The following ACAP3 variants were observed in gnomAD, a reference collection of about 807,000 sequenced individuals.
ACAP3 encodes the protein ArfGAP with coiled-coil, ankyrin repeat and PH domains 3.
A neutral mutation model predicts 104.1 loss-of-function variants in ACAP3; 56 were observed. The observed-to-expected ratio is 0.54, with a 90% CI of 0.43 to 0.67. ACAP3 has a LOEUF of 0.67. Among genes scored for constraint, ACAP3 ranks in the 30% least tolerant of loss-of-function variants. The probability of loss-of-function intolerance (pLI) is 0.00; values close to 1 mark genes in which losing one functional copy is unlikely to be tolerated. For missense variants in ACAP3, 1,208 were observed against 1,174.9 expected, an observed-to-expected ratio of 1.03 and a Z score of -0.41; for synonymous variants, 628 against 496.2, an observed-to-expected ratio of 1.27 and a Z score of -3.53.
At position 1,307,602 on chromosome 1, in the gene ACAP3, C is replaced by T. The variant is rs1395744578; in HGVS notation, c.47+167G>A. The stretch of plus-strand genomic sequence containing the variant: ...CAGGAGCGTCTTTTGTTCCAACCCC[C>T]GGGGCATGGCGGGGCGGGGCCGCCG... On this transcript the variant is annotated intron_variant, in intron 1 of 23. Transcript: ENST00000354700. 3.3e-5 allele frequency among the ~76,000 whole-genome samples: 5 copies of T among 152,198 alleles called. No homozygotes were observed. In the East Asian group the frequency reaches 9.7e-4, roughly 29 times the overall value.
rs1294402917 is a variant in ACAP3, at chr1:1,302,800, C to CG, written c.279+121_279+122insC. ...CTGACTTGAAAATGTGGGATTCCCC[C>CG]CCCCCCCGACTAGAGGAGCAGAAAC... On this transcript the variant is annotated intron_variant, in intron 4 of 23. Transcript: ENST00000354700. The CG allele has an allele frequency of 1.6e-5, 5 of 304,632 alleles. 1 individual carries two copies. The highest frequency in any genetic ancestry group is 2.7e-5 in the African/African-American group (1 of 37,684). 18.9% of individuals were successfully genotyped at this position (304,632 alleles called of 1,614,324 possible).
chr1:1,298,277 C>T, intron 12 of ACAP3, 93 bp downstream of exon 12: 1 of 1,589,762 alleles, frequency 6.3e-7, no homozygotes, highest in East Asian at 2.2e-5. Context: ...CACTAGTGCC[C>T]CGGCCCTGTG....
intron 1 of ACAP3, 53 bp downstream of exon 1, chr1:1,307,716 G>A (rs1209049181): frequency 4.6e-6 from 5 of 1,080,738 alleles, no homozygotes; most frequent in African/African-American, 1.7e-5. Flanking sequence ...GGGCACAAAG[G>A]CGACAGCGAC....
At position 1,300,167 on chromosome 1, in the gene ACAP3, G is replaced by A. The variant is rs1466933629; in HGVS notation, c.558C>T (p.Ile186=). The A allele has an allele frequency of 2.5e-6, 4 of 1,610,556 alleles. No homozygotes were observed. The highest frequency in any genetic ancestry group is 2.5e-6 in the Non-Finnish European group (3 of 1,178,806). The change falls in exon 7 of 24, where the codon ATC becomes ATT. Residue 186 remains isoleucine (I), a synonymous_variant. Transcript: ENST00000354700. ...GCCCCCACGCACTCACAGAGTCCAG[G>A]ATCTCAAACTTCTTCTTGGCCTGCA... The part of the protein sequence containing the change: ...NVLQAKKKFE[I]LDSMLSFMHA...
At chr1:1,298,984 C>T (rs1021437447) in intron 10 of ACAP3, 6 of 555,812 alleles carry the variant, frequency 1.1e-5, no homozygotes, top group African/African-American at 5.8e-5. Flanking sequence ...CGCCCCCACC[C>T]TCCGCATCCT....
chr1:1,299,218 C>T (rs1641336966), intron 10 of ACAP3, 127 bp downstream of exon 10: 2 of 1,258,594 alleles, frequency 1.6e-6, no homozygotes, highest in Non-Finnish European at 2.2e-6. Context: ...GCCGCATCAG[C>T]AGCAGGAGCC....
intron 1 of ACAP3, chr1:1,307,230 G>A (rs1641766533): frequency 1.6e-6 from 2 of 1,287,432 alleles, no homozygotes; most frequent in African/African-American, 3.0e-5. Context: ...GACTCGGTGT[G>A]CACACAACCC....
chr1:1,302,078 G>A (rs367902068), intron 4 of ACAP3, 32 bp from the exon 5 acceptor site: 478 of 1,472,000 alleles, frequency 3.2e-4, no homozygotes, highest in Non-Finnish European at 4.1e-4. Flanking sequence ...GATCCTTGGG[G>A]TCTGTCCCGA....
chr1:1,307,648 C>T (rs1641801079), intron 1 of ACAP3, 121 bp downstream of exon 1: 5 of 966,418 alleles, frequency 5.2e-6, no homozygotes, highest in Non-Finnish European at 6.3e-6. Context: ...GGCCGGTCCT[C>T]CAGCCCCTCC....
intron 4 of ACAP3, 125 bp downstream of exon 4, chr1:1,302,797 C>CG (rs1213558833): frequency 1.4e-5 from 3 of 221,022 alleles, no homozygotes; most frequent in Non-Finnish European, 2.5e-5. Context: ...TGTGGGATTC[C>CG]CCCCCCCCCC....
intron 1 of ACAP3, 42 bp from the exon 2 acceptor site, chr1:1,304,185 AGCCCCCTC>A (rs1480416266): frequency 1.9e-6 from 3 of 1,549,536 alleles, no homozygotes; most frequent in African/African-American, 2.7e-5. Flanking sequence ...CTGCAGCCTC[AGCCCCCTC>A]GGGGCTTCAC....
chr1:1,307,460 C>A (rs986004587), intron 1 of ACAP3: 1 of 1,293,702 alleles, frequency 7.7e-7, no homozygotes, highest in African/African-American at 1.5e-5. Flanking sequence ...AGCTGGACTG[C>A]AGGGCCCGGG....
At position 1,292,809 on chromosome 1, in the gene ACAP3, AAGTC is replaced by A. The variant is rs1291816206; in HGVS notation, c.*751_*754del. 6.6e-6 allele frequency: 1 copy of A among 152,354 alleles called. No individual in the cohort carries two copies. The highest frequency in any genetic ancestry group is 2.4e-5 in the African/African-American group (1 of 41,474). 9.4% of individuals were successfully genotyped at this position (152,354 alleles called of 1,614,324 possible). On this transcript the variant is annotated 3_prime_UTR_variant, in exon 24 of 24. Coordinates refer to ENST00000354700, the MANE Select transcript of ACAP3 (RefSeq NM_030649.3). Reference sequence around the variant, plus strand: ...GTCCACAGAGAAAAGACGCAAGACAAAGTCAGACGAGGCCTATAGCAAACCCACT... The same window carrying A: ...GTCCACAGAGAAAAGACGCAAGACAAAGACGAGGCCTATAGCAAACCCACT...
Position 1,300,674 on chromosome 1 carries a change from C to T in ACAP3, c.357G>A (p.Lys119=), listed in dbSNP as rs1447463210. The T allele has an allele frequency of 2.5e-6, 4 of 1,608,040 alleles. No homozygotes were observed. The highest frequency in any genetic ancestry group is 1.1e-5 in the South Asian group (1 of 90,298). The part of the protein sequence containing the change: ...SFVKEDVRKF[K]ETKKQFDKVR... ...CCTTGTCAAACTGCTTCTTTGTCTC[C>T]TTGAACTTCCGCACATCCCTGGAGG... The change falls in exon 6 of 24, where the codon AAG becomes AAA. Residue 119 remains lysine (K), a synonymous_variant. Coordinates refer to ENST00000354700, the MANE Select transcript of ACAP3 (RefSeq NM_030649.3).
intron 21 of ACAP3, 91 bp from the exon 22 acceptor site, chr1:1,294,290 G>T: frequency 6.6e-7 from 1 of 1,514,100 alleles, no homozygotes; most frequent in South Asian, 1.2e-5. Flanking sequence ...GCCCCCAGCC[G>T]GGACCGAACG....
rs1388528793 is a variant in ACAP3, at chr1:1,293,377, T to A, written c.*187A>T. Reference sequence around the variant, plus strand: ...CACCCCCCCAGGGAAACGTGAGGCTTCAAGAGACTCAGTGTGGGGCCCTCG... The same window carrying A: ...CACCCCCCCAGGGAAACGTGAGGCTACAAGAGACTCAGTGTGGGGCCCTCG... On this transcript the variant is annotated 3_prime_UTR_variant, in exon 24 of 24. Transcript: ENST00000354700. 1 of 487,852 alleles carries A rather than the reference T, an allele frequency of 2.0e-6. No homozygotes were observed. The highest frequency in any genetic ancestry group is 3.1e-6 in the Non-Finnish European group (1 of 323,208). The allele number at this position is 487,852 out of a possible 1,614,324, so 30.2% of individuals were successfully genotyped here.
chr1:1,299,301 G>C (rs1570648442), intron 10 of ACAP3, 44 bp downstream of exon 10: 1 of 1,587,242 alleles, frequency 6.3e-7, no homozygotes, highest in Non-Finnish European at 8.6e-7. Context: ...GCCCCATCTG[G>C]TCTCCCCCGA....
intron 9 of ACAP3, 197 bp from the exon 10 acceptor site, chr1:1,299,553 C>A: frequency 1.3e-6 from 1 of 772,524 alleles, no homozygotes. Flanking sequence ...GCCGGGGCTG[C>A]TGTCCCACAG....
Position 1,293,636 on chromosome 1 carries a change from C to G in ACAP3, c.2433G>C (p.Ala811=). The G allele has an allele frequency of 2.7e-6, 4 of 1,485,846 alleles. No individual in the cohort carries two copies. The highest frequency in any genetic ancestry group is 2.7e-6 in the Non-Finnish European group (3 of 1,125,428). 92.0% of individuals were successfully genotyped at this position (1,485,846 alleles called of 1,614,324 possible). Residue 811 remains alanine (A), a synonymous_variant, in exon 24 of 24, where the codon GCG becomes GCC. Transcript: ENST00000354700. Reference sequence around the variant, plus strand: ...GGAACTGGAGCTCCGTGGGGCTGCCCGCCAGGGCGCCCGGGGGACCAGGGG... The same window carrying G: ...GGAACTGGAGCTCCGTGGGGCTGCCGGCCAGGGCGCCCGGGGGACCAGGGG... ...EAAPGPPGAL[A]GSPTELQFRR... is the part of the protein sequence containing the mutation.
Sources: gnomAD v4.1 joint callset for allele counts (sites outside exome capture counted in the v4.1 genomes callset) on GRCh38, gnomAD v4.1.1 for gene constraint, MANE v1.5 for transcripts, NCBI Gene and HGNC (gene_info 2026-07-23, HGNC 2026-07-21) for gene names.